Variants in PDZD2 observed in about 807,000 individuals in gnomAD.
PDZD2 encodes PDZ domain-containing protein 2.
In PDZD2, 90 loss-of-function variants were observed where a neutral mutation model predicts 220.7. The observed-to-expected ratio is 0.41, with a 90% CI of 0.34 to 0.49. The LOEUF is 0.49. Among genes scored for constraint, PDZD2 ranks in the 20% least tolerant of loss-of-function variants. The pLI, the probability that PDZD2 is intolerant of heterozygous loss-of-function variation, is 0.28. For synonymous variants in PDZD2, 1,375 were observed against 1,450.5 expected, an observed-to-expected ratio of 0.95 and a Z score of 1.18; for missense variants, 3,174 against 3,608.5, an observed-to-expected ratio of 0.88 and a Z score of 3.08.
At chr5:31,845,634 G>A (rs996428111) in intron 2 of PDZD2, among the ~76,000 whole-genome samples, 9 of 152,168 alleles carry the variant, frequency 5.9e-5, no homozygotes, top group Non-Finnish European at 1.3e-4. Flanking sequence ...GATAGCATTG[G>A]GTAGCAATTA....
At chr5:32,104,849 G>C (rs1476446438) in intron 24 of PDZD2, among the ~76,000 whole-genome samples, 1 of 149,408 alleles carries the variant, frequency 6.7e-6, no homozygotes, top group East Asian at 2.0e-4. Context: ...TTGATATCCA[G>C]AATAGGCAGG....
chr5:31,683,076 C>G (rs1746712240), intron 1 of PDZD2, among the ~76,000 whole-genome samples: 1 of 151,892 alleles, frequency 6.6e-6, no homozygotes, highest in Admixed American at 6.6e-5. Flanking sequence ...GCATTCGGCC[C>G]TTAAGTTTTG....
intron 1 of PDZD2, among the ~76,000 whole-genome samples, chr5:31,663,112 T>G (rs1745847460): frequency 6.6e-6 from 1 of 152,244 alleles, no homozygotes; most frequent in African/African-American, 2.4e-5. Flanking sequence ...GACCTCACTT[T>G]CTGTCTTAGA....
At chr5:32,060,639 C>T (rs1315548488) in intron 13 of PDZD2, among the ~76,000 whole-genome samples, 1 of 152,136 alleles carries the variant, frequency 6.6e-6, no homozygotes, top group African/African-American at 2.4e-5. Flanking sequence ...TTCCTATCTG[C>T]ACAATGGGAA....
chr5:32,098,421 G>A lies in PDZD2; in HGVS notation c.8005G>A (p.Asp2669Asn). ...ASQEGTMNRG[D>N]FLLSVNGASL... is the part of the protein sequence containing the mutation. ...TCAGGAAGGGACTATGAACCGAGGG[G>A]ATTTCCTTCTGTCAGTCAACGGCGC... The change falls in exon 23 of 25, where the codon GAT (aspartate) becomes AAT (asparagine). Residue 2669 changes from aspartate (D) to asparagine (N), a missense_variant. By Grantham distance (23) the Asp-to-Asn change is conservative. Coordinates refer to ENST00000438447, the MANE Select transcript of PDZD2 (RefSeq NM_178140.4). The surrounding 1 kb of genome is among the most constrained non-coding windows in gnomAD (Gnocchi z 4.1). 1 of 1,614,158 alleles carries A rather than the reference G, an allele frequency of 6.2e-7. No homozygotes were observed. Among genetic ancestry groups the A allele is most frequent in the Non-Finnish European group, 8.5e-7 (1 of 1,180,008 alleles).
chr5:32,004,335 C>T (rs1006322510), intron 5 of PDZD2, among the ~76,000 whole-genome samples: 1 of 152,096 alleles, frequency 6.6e-6, no homozygotes, highest in African/African-American at 2.4e-5. Context: ...GCCTGTAATC[C>T]CAGCAATTTG....
chr5:32,070,903 G>A (rs914789119), intron 15 of PDZD2, among the ~76,000 whole-genome samples: 13 of 151,602 alleles, frequency 8.6e-5, no homozygotes, highest in African/African-American at 3.1e-4. Flanking sequence ...GCTGAGACAG[G>A]AGAGGTTTCA....
At chr5:31,702,515 A>G (rs1580588529) in intron 1 of PDZD2, among the ~76,000 whole-genome samples, 1 of 152,198 alleles carries the variant, frequency 6.6e-6, no homozygotes, top group African/African-American at 2.4e-5. Context: ...TCGGCCTTCC[A>G]GACCTCAGGT....
rs1561386442 is a variant in PDZD2, at chr5:31,691,499, C to CTGGCGCCACCTGCTTTTATTCTCTTATG, written c.-361+52089_-361+52090insGTGGCGCCACCTGCTTTTATTCTCTTAT. Among the ~76,000 whole-genome samples, 528 of 104,174 alleles carry CTGGCGCCACCTGCTTTTATTCTCTTATG rather than the reference C, an allele frequency of 5.1e-3. 53 individuals are homozygous for CTGGCGCCACCTGCTTTTATTCTCTTATG. The highest frequency in any genetic ancestry group is 0.021 in the African/African-American group (489 of 23,646). 68.3% of individuals were successfully genotyped at this position (104,174 alleles called of 152,430 possible). On this transcript the variant is annotated intron_variant, in intron 1 of 24. Coordinates refer to ENST00000438447, the MANE Select transcript of PDZD2 (RefSeq NM_178140.4). ...GCGCCACCTGCTTTTATTCTCTTAT[C>CTGGCGCCACCTGCTTTTATTCTCTTATG]TGGCGCCACCTGCTTTTATTCTCTT...
chr5:32,058,759 G>A (rs764692713), intron 12 of PDZD2, among the ~76,000 whole-genome samples: 1 of 151,676 alleles, frequency 6.6e-6, no homozygotes, highest in Non-Finnish European at 1.5e-5. Context: ...ATAGTTAAGT[G>A]TACAGTTAAC....
intron 1 of PDZD2, among the ~76,000 whole-genome samples, chr5:31,676,601 C>CT (rs1272997492): frequency 6.8e-6 from 1 of 147,492 alleles, no homozygotes; most frequent in Non-Finnish European, 1.5e-5. Flanking sequence ...GAGTCTCGCT[C>CT]TGTCACCCAT....
chr5:31,937,027 TG>T (rs780777047), intron 2 of PDZD2, among the ~76,000 whole-genome samples: 14 of 152,120 alleles, frequency 9.2e-5, no homozygotes, highest in Non-Finnish European at 1.8e-4. Flanking sequence ...AGAAAATAAA[TG>T]GGGAGGACCA....
chr5:31,865,637 T>C (rs1738152004), intron 2 of PDZD2, among the ~76,000 whole-genome samples: 1 of 132,268 alleles, frequency 7.6e-6, no homozygotes, highest in South Asian at 2.8e-4. Context: ...TTTTTTTTTT[T>C]TTTTTTTTTT....
intron 2 of PDZD2, among the ~76,000 whole-genome samples, chr5:31,826,758 G>A (rs1756249948): frequency 1.3e-5 from 2 of 151,886 alleles, no homozygotes; most frequent in Non-Finnish European, 2.9e-5. Flanking sequence ...TTACCCAAAT[G>A]AGCCACATGC....
At chr5:32,021,406 C>G (rs1000146331) in intron 6 of PDZD2, among the ~76,000 whole-genome samples, 1 of 152,054 alleles carries the variant, frequency 6.6e-6, no homozygotes, top group Non-Finnish European at 1.5e-5. Context: ...AAGCAATTCT[C>G]ATGCCTCAGC....
At chr5:32,093,423 T>TA (rs1214244703) in intron 21 of PDZD2, among the ~76,000 whole-genome samples, 7 of 152,158 alleles carry the variant, frequency 4.6e-5, no homozygotes, top group Non-Finnish European at 8.8e-5. Flanking sequence ...AGAGAAGAGT[T>TA]ACATTGGTGT....
chr5:31,998,641 C>CCAA (rs1751844033), intron 4 of PDZD2, among the ~76,000 whole-genome samples: 1 of 152,206 alleles, frequency 6.6e-6, no homozygotes, highest in African/African-American at 2.4e-5. Context: ...ACAGAGAAGT[C>CCAA]CAATCTTTTG....
chr5:31,869,543 G>A lies in PDZD2; in HGVS notation c.476+69819G>A, dbSNP rs949480434. On this transcript the variant is annotated intron_variant, in intron 2 of 24. Transcript: ENST00000438447. ...CACGCCACTGCACTCCAGCCTGGGC[G>A]ACAGAGCGAGACTCTGTCTCAAAAG... 5.1e-4 allele frequency among the ~76,000 whole-genome samples: 78 copies of A among 151,968 alleles called. 1 individual carries two copies. Among genetic ancestry groups the A allele is most frequent in the African/African-American group, 1.1e-3 (44 of 41,424 alleles).
At chr5:31,947,511 T>C (rs1322918393) in intron 2 of PDZD2, among the ~76,000 whole-genome samples, 1 of 152,214 alleles carries the variant, frequency 6.6e-6, no homozygotes, top group African/African-American at 2.4e-5. Flanking sequence ...CTATCTGTGC[T>C]ACCTCCCTTA....
Sources: gnomAD v4.1 joint callset for allele counts (sites outside exome capture counted in the v4.1 genomes callset) on GRCh38, gnomAD v4.1.1 for gene constraint, Gnocchi (gnomAD v3.1) non-coding constraint, MANE v1.5 for transcripts, NCBI Gene and HGNC (gene_info 2026-07-23, HGNC 2026-07-21) for gene names.